PLCB1: variants seen among roughly 807,000 people sequenced by gnomAD.
PLCB1 encodes the protein phospholipase C beta 1, also known as 1-phosphatidylinositol 4,5-bisphosphate phosphodiesterase beta-1.
PLCB1 carries 46 observed loss-of-function variants against 161.8 expected under a neutral mutation model. The ratio of observed to expected loss-of-function variants is 0.28; its 90% CI spans 0.22 to 0.36. The LOEUF (loss-of-function observed/expected upper bound fraction) is 0.36, where lower values mean the gene tolerates loss of function less well. Ranked by LOEUF, PLCB1 falls within the 10% of genes least tolerant of loss-of-function variation. PLCB1 has a pLI of 1.00. For synonymous variants in PLCB1, 517 were observed against 503.7 expected (o/e 1.03, Z -0.35); for missense variants, 1,016 against 1,472.5 (o/e 0.69, Z 5.07).
intron 25 of PLCB1, among the ~76,000 whole-genome samples, chr20:8,762,273 G>C (rs1230100456): frequency 6.6e-6 from 1 of 152,146 alleles, no homozygotes; most frequent in Non-Finnish European, 1.5e-5. Flanking sequence ...ACAAGAGACA[G>C]CAGTGTTCCT....
chr20:8,392,630 T>G (rs1215142875), intron 3 of PLCB1, among the ~76,000 whole-genome samples: 2 of 152,206 alleles, frequency 1.3e-5, no homozygotes, highest in Non-Finnish European at 2.9e-5. Flanking sequence ...CTAAATGATA[T>G]ACATCTCTCA....
In PLCB1 at chr20:8,406,532, T is replaced by G. The variant is rs182050293; in HGVS notation, c.246+35082T>G. ...GGAAAGTGAGGTTCACTATCTTCTA[T>G]CTCCTTGCTAATGGAGGCCAGAACT... is the stretch of plus-strand genomic sequence containing the variant. On this transcript the variant is annotated intron_variant, in intron 3 of 31. Coordinates refer to ENST00000338037, the MANE Select transcript of PLCB1 (RefSeq NM_015192.4). Among the ~76,000 whole-genome samples, 61 of 152,296 alleles carry G rather than the reference T, an allele frequency of 4.0e-4. 1 individual carries two copies. Among genetic ancestry groups the G allele is most frequent in the African/African-American group, 1.3e-3 (52 of 41,568 alleles).
Position 8,850,795 on chromosome 20 carries a change from A to G in PLCB1, c.3424-30827A>G, listed in dbSNP as rs370237005. On this transcript the variant is annotated intron_variant, in intron 31 of 31. Coordinates refer to ENST00000338037, the MANE Select transcript of PLCB1 (RefSeq NM_015192.4). ...GGTCTTGGAATTCCCAGCCTCCAGAACTGTGAGAAATAAATTTCTATTAAT... is the reference window on the plus strand; with the variant it reads ...GGTCTTGGAATTCCCAGCCTCCAGAGCTGTGAGAAATAAATTTCTATTAAT... Among the ~76,000 whole-genome samples, 128 of 152,304 alleles carry G rather than the reference A, an allele frequency of 8.4e-4. 1 individual carries two copies. The highest frequency in any genetic ancestry group is 2.9e-3 in the African/African-American group (122 of 41,556).
chr20:8,864,909 G>A (rs1454830083), intron 31 of PLCB1, among the ~76,000 whole-genome samples: 1 of 152,184 alleles, frequency 6.6e-6, no homozygotes, highest in Non-Finnish European at 1.5e-5. Context: ...AGCAGCGCCA[G>A]AATTATATAT....
chr20:8,559,570 A>T (rs1432527105), intron 3 of PLCB1, among the ~76,000 whole-genome samples: 2 of 152,010 alleles, frequency 1.3e-5, no homozygotes, highest in Admixed American at 6.6e-5. Context: ...TGTTTACAAC[A>T]CATTCACTTT....
At chr20:8,221,271 G>A (rs1345201491) in intron 2 of PLCB1, among the ~76,000 whole-genome samples, 3 of 152,074 alleles carry the variant, frequency 2.0e-5, no homozygotes, top group Non-Finnish European at 4.4e-5. Flanking sequence ...TTCAGGACTC[G>A]ATCACCTCTT....
At chr20:8,481,859 A>ATT (rs796303458) in intron 3 of PLCB1, among the ~76,000 whole-genome samples, 1 of 149,962 alleles carries the variant, frequency 6.7e-6, no homozygotes, top group African/African-American at 2.5e-5. Context: ...GTGAGTCATG[A>ATT]TTTTTTTTTT....
chr20:8,661,600 C>A (rs983836841), intron 9 of PLCB1, among the ~76,000 whole-genome samples: 1 of 152,010 alleles, frequency 6.6e-6, no homozygotes, highest in Non-Finnish European at 1.5e-5. Flanking sequence ...AGGGTCACTT[C>A]AGCTTTAAGG....
At chr20:8,761,976 A>AGGC (rs1555788724) in intron 25 of PLCB1, among the ~76,000 whole-genome samples, 8 of 146,500 alleles carry the variant, frequency 5.5e-5, no homozygotes, top group South Asian at 2.4e-4. Context: ...GGGGAGGCCA[A>AGGC]GGGGGGGGCG....
intron 2 of PLCB1, among the ~76,000 whole-genome samples, chr20:8,278,271 T>TTC (rs1982680055): frequency 1.4e-5 from 2 of 146,452 alleles, no homozygotes; most frequent in East Asian, 3.9e-4. Flanking sequence ...TATAAATATA[T>TTC]TATATAAATA....
At chr20:8,588,337 A>G (rs1568519355) in intron 3 of PLCB1, among the ~76,000 whole-genome samples, 1 of 152,102 alleles carries the variant, frequency 6.6e-6, no homozygotes, top group Non-Finnish European at 1.5e-5. Context: ...AATTGCTTTG[A>G]TTTTTGTTTC....
Position 8,457,714 on chromosome 20 carries a change from G to GCACACACA in PLCB1, c.246+86290_246+86297dup, listed in dbSNP as rs145581916. ...CTACTTATACCCCTAATGTGTGCGC[G>GCACACACA]CACACACACACACACACACACACAC... is the stretch of plus-strand genomic sequence containing the variant. On this transcript the variant is annotated intron_variant, in intron 3 of 31. Coordinates refer to ENST00000338037, the MANE Select transcript of PLCB1 (RefSeq NM_015192.4). 3.7e-3 allele frequency among the ~76,000 whole-genome samples: 533 copies of GCACACACA among 145,842 alleles called. 3 individuals carry two copies. Among genetic ancestry groups the GCACACACA allele is most frequent in the East Asian group, 7.4e-3 (34 of 4,612 alleles).
intron 3 of PLCB1, among the ~76,000 whole-genome samples, chr20:8,574,986 G>A (rs560035641): frequency 3.9e-5 from 6 of 152,276 alleles, no homozygotes; most frequent in South Asian, 2.1e-4. Flanking sequence ...GACAATAGTC[G>A]TTAAAACAAA....
intron 2 of PLCB1, among the ~76,000 whole-genome samples, chr20:8,329,330 T>C (rs1296691834): frequency 6.6e-6 from 1 of 151,558 alleles, no homozygotes; most frequent in African/African-American, 2.4e-5. Flanking sequence ...CTTTTTTTTT[T>C]TTTTTTTGAG....
At position 8,715,184 on chromosome 20, in the gene PLCB1, C is replaced by T. The variant is rs565402473; in HGVS notation, c.1251-1080C>T. On this transcript the variant is annotated intron_variant, in intron 12 of 31. Transcript: ENST00000338037. ...GATCAAATTCAAAATCCATAAAACC[C>T]AAAGGAACTGGATAACTTTGTAATG... Among the ~76,000 whole-genome samples, 3 of 152,218 alleles carry T rather than the reference C, an allele frequency of 2.0e-5. 1 individual carries two copies. The highest frequency in any genetic ancestry group is 1.9e-4 in the East Asian group (1 of 5,178).
Position 8,733,399 on chromosome 20 carries a change from A to G in PLCB1, c.2043+7A>G. 2.5e-6 allele frequency: 4 copies of G among 1,612,216 alleles called. No individual in the cohort carries two copies. The South Asian group carries it at 4.4e-5, about 18-fold the overall frequency. On this transcript the variant is annotated splice_region_variant and intron_variant, in intron 19 of 31. Transcript: ENST00000338037. ...AAACACTTTGTCTGTTAAGGTAGGT[A>G]TACCCCATCACAAAATTGTTCCTAA...
chr20:8,336,286 A>C (rs1489498614), intron 2 of PLCB1, among the ~76,000 whole-genome samples: 2 of 152,210 alleles, frequency 1.3e-5, no homozygotes, highest in Non-Finnish European at 2.9e-5. Context: ...ATATACGTAC[A>C]TGTTTTTAAT....
intron 19 of PLCB1, among the ~76,000 whole-genome samples, chr20:8,735,346 A>G (rs1319403471): frequency 6.6e-6 from 1 of 152,220 alleles, no homozygotes; most frequent in Non-Finnish European, 1.5e-5. Context: ...TGAAGGGGAA[A>G]TAGTTGATCC....
chr20:8,378,550 AG>A (rs1275627190), intron 3 of PLCB1, among the ~76,000 whole-genome samples: 2 of 152,256 alleles, frequency 1.3e-5, no homozygotes, highest in Non-Finnish European at 2.9e-5. Flanking sequence ...CTGAGTCTTC[AG>A]CAAGTCACAG....
Sources: gnomAD v4.1 joint callset for allele counts (sites outside exome capture counted in the v4.1 genomes callset) on GRCh38, gnomAD v4.1.1 for gene constraint, MANE v1.5 for transcripts, NCBI Gene and HGNC (gene_info 2026-07-23, HGNC 2026-07-21) for gene names.